ESRRG: variants seen among roughly 807,000 people sequenced by gnomAD.
ESRRG encodes estrogen related receptor gamma, also known as estrogen-related receptor gamma.
Under a neutral mutation model 44.0 loss-of-function variants are expected in ESRRG, and 13 were observed. That is an observed-to-expected ratio of 0.30 (90% CI 0.19 to 0.47). ESRRG has a LOEUF of 0.47. Among genes scored for constraint, ESRRG ranks in the 20% least tolerant of loss-of-function variants. The pLI, the probability that ESRRG is intolerant of heterozygous loss-of-function variation, is 1.00. For synonymous variants in ESRRG, 215 were observed against 214.6 expected (o/e 1.00, Z -0.02); for missense variants, 395 against 580.6 (o/e 0.68, Z 3.29).
chr1:216,787,734 A>G (rs941569823), intron 2 of ESRRG, among the ~76,000 whole-genome samples: 1 of 152,140 alleles, frequency 6.6e-6, no homozygotes, highest in Admixed American at 6.6e-5. Context: ...GTTGAAAACC[A>G]AGATAGGCCA....
At chr1:217,080,303 A>C (rs2091640811) in intron 1 of ESRRG, among the ~76,000 whole-genome samples, 1 of 152,162 alleles carries the variant, frequency 6.6e-6, no homozygotes, top group Non-Finnish European at 1.5e-5. Context: ...AATTGAAAAA[A>C]ACTCAAGTTG....
rs529645113 is a variant in ESRRG, at chr1:216,614,784, G to A, written c.589+36189C>T. Among the ~76,000 whole-genome samples, 3 of 152,186 alleles carry A rather than the reference G, an allele frequency of 2.0e-5. No individual in the cohort carries two copies. The South Asian group carries it at 6.2e-4, about 32-fold the overall frequency. On this transcript the variant is annotated intron_variant, in intron 3 of 6. Transcript: ENST00000408911. ...ATGACTCATGAAACATATTTATACC[G>A]CATTTTCTGTTTAGCTGGTGCATTT...
chr1:216,513,818 A>G (rs972543684), intron 6 of ESRRG, among the ~76,000 whole-genome samples: 5 of 152,162 alleles, frequency 3.3e-5, no homozygotes, highest in Admixed American at 3.3e-4. Flanking sequence ...ATTTTGCTAC[A>G]AGTCATAAAG....
intron 2 of ESRRG, among the ~76,000 whole-genome samples, chr1:216,906,968 G>A (rs555546373): frequency 1.3e-5 from 2 of 152,322 alleles, no homozygotes; most frequent in South Asian, 2.1e-4. Flanking sequence ...GTCTGCACAT[G>A]TGTATATATT....
intron 1 of ESRRG, among the ~76,000 whole-genome samples, chr1:217,052,734 A>T (rs2086274709): frequency 6.6e-6 from 1 of 152,136 alleles, no homozygotes; most frequent in Non-Finnish European, 1.5e-5. Flanking sequence ...TATTGGGGTG[A>T]GGGATAATGA....
chr1:216,588,628 T>A (rs537659755), intron 3 of ESRRG, among the ~76,000 whole-genome samples: 7 of 152,344 alleles, frequency 4.6e-5, no homozygotes, highest in African/African-American at 1.7e-4. Flanking sequence ...ATAGGATTAC[T>A]ATCTCTGCTT....
upstream of ESRRG, among the ~76,000 whole-genome samples, chr1:216,727,130 G>A (rs1392300785): frequency 6.6e-6 from 1 of 151,958 alleles, no homozygotes; most frequent in Non-Finnish European, 1.5e-5. Context: ...TTTGAAGCAG[G>A]TTTTTATTTT....
intron 3 of ESRRG, among the ~76,000 whole-genome samples, chr1:216,568,474 A>T (rs1459297972): frequency 6.6e-6 from 1 of 152,162 alleles, no homozygotes; most frequent in Non-Finnish European, 1.5e-5. Context: ...TGAAAGCTCA[A>T]TGTGTAGGAC....
intron 2 of ESRRG, among the ~76,000 whole-genome samples, chr1:216,803,751 T>G (rs1307946935): frequency 6.6e-6 from 1 of 151,998 alleles, no homozygotes; most frequent in African/African-American, 2.4e-5. Context: ...ATTTAAAAAC[T>G]ATTCCTACTT....
chr1:216,857,721 TAA>T (rs10574748), intron 2 of ESRRG, among the ~76,000 whole-genome samples: 11,949 of 128,436 alleles, frequency 0.093, 1,570 homozygotes, highest in African/African-American at 0.29. Flanking sequence ...AAGCCAGATT[TAA>T]AAAAAAAAAA....
intron 2 of ESRRG, among the ~76,000 whole-genome samples, chr1:216,821,856 A>G (rs967984707): frequency 2.2e-4 from 33 of 151,936 alleles, no homozygotes; most frequent in African/African-American, 8.0e-4. Flanking sequence ...TTTCTGGTGG[A>G]TAGTATTATA....
intron 2 of ESRRG, among the ~76,000 whole-genome samples, chr1:216,738,262 T>G (rs749569741): frequency 6.6e-6 from 1 of 152,096 alleles, no homozygotes; most frequent in Non-Finnish European, 1.5e-5. Flanking sequence ...TAGGGTAAAG[T>G]GAAGACCATC....
In ESRRG at chr1:216,505,490, C is replaced by T. The variant is rs1414524264; in HGVS notation, c.*1449G>A. 6.6e-6 allele frequency: 1 copy of T among 152,340 alleles called. No individual in the cohort carries two copies. The highest frequency in any genetic ancestry group is 6.6e-5 in the Admixed American group (1 of 15,250). 9.4% of individuals were successfully genotyped at this position (152,340 alleles called of 1,614,324 possible). A position where few individuals can be genotyped will look rare whatever the true frequency, so the allele number is the denominator to read the frequency against. The stretch of plus-strand genomic sequence containing the variant: ...AATTCTGGCATTTGCCTTATTGCCT[C>T]TTAAATGAATACTGGCTCACAGCTC... On this transcript the variant is annotated 3_prime_UTR_variant, in exon 7 of 7. Transcript: ENST00000408911.
chr1:216,988,553 C>T (rs764371252), intron 1 of ESRRG, among the ~76,000 whole-genome samples: 1 of 152,146 alleles, frequency 6.6e-6, no homozygotes. Context: ...TAATTTCTGT[C>T]CTTCTGTTTG....
At chr1:217,020,408 T>A (rs1236935502) in intron 1 of ESRRG, among the ~76,000 whole-genome samples, 1 of 152,188 alleles carries the variant, frequency 6.6e-6, no homozygotes, top group Non-Finnish European at 1.5e-5. Context: ...CACAACATTT[T>A]ACAATGAAGA....
intron 1 of ESRRG, among the ~76,000 whole-genome samples, chr1:216,998,727 A>G (rs1231719373): frequency 6.6e-6 from 1 of 152,260 alleles, no homozygotes; most frequent in Non-Finnish European, 1.5e-5. Flanking sequence ...ACAGCGTGAA[A>G]TAAAATTCTA....
intron 1 of ESRRG, among the ~76,000 whole-genome samples, chr1:216,946,854 C>T (rs1235893023): frequency 6.6e-6 from 1 of 152,030 alleles, no homozygotes; most frequent in East Asian, 1.9e-4. Context: ...CACCTACCAC[C>T]ATGCCCAGCT....
At chr1:216,877,371 G>T (rs2818808) in intron 2 of ESRRG, among the ~76,000 whole-genome samples, 74,976 of 149,838 alleles carry the variant, frequency 0.5, 21,471 homozygotes, top group African/African-American at 0.79. Context: ...CTTTTTTATA[G>T]GTATGGTGTT....
At chr1:216,624,800 T>G (rs541542567) in intron 3 of ESRRG, among the ~76,000 whole-genome samples, 29 of 152,112 alleles carry the variant, frequency 1.9e-4, no homozygotes, top group Non-Finnish European at 3.7e-4. Context: ...TTAACTAAAC[T>G]CATGATGAAT....
Sources: allele counts gnomAD v4.1 joint callset (sites outside exome capture counted in the v4.1 genomes callset), GRCh38; gene constraint gnomAD v4.1.1; transcripts MANE v1.5; gene names NCBI Gene and HGNC (gene_info 2026-07-23, HGNC 2026-07-21).